CSNK1G1: variants seen among roughly 807,000 people sequenced by gnomAD.
The protein encoded by CSNK1G1 is casein kinase 1 gamma 1, also known as casein kinase I isoform gamma-1.
Under a neutral mutation model 59.6 loss-of-function variants are expected in CSNK1G1, and 22 were observed. That is an observed-to-expected ratio of 0.37 (90% CI 0.26 to 0.53). The LOEUF (loss-of-function observed/expected upper bound fraction) is 0.53, where lower values mean the gene tolerates loss of function less well. Ranked by LOEUF, CSNK1G1 falls within the 20% of genes least tolerant of loss-of-function variation. The probability of loss-of-function intolerance (pLI) is 0.89; values close to 1 mark genes in which losing one functional copy is unlikely to be tolerated. For synonymous variants in CSNK1G1, 179 were observed against 177.1 expected, an observed-to-expected ratio of 1.01 and a Z score of -0.08; for missense variants, 384 against 519.5, an observed-to-expected ratio of 0.74 and a Z score of 2.54.
intron 1 of CSNK1G1, among the ~76,000 whole-genome samples, chr15:64,311,248 G>A (rs1029517619): frequency 1.3e-5 from 2 of 151,704 alleles, no homozygotes; most frequent in African/African-American, 4.8e-5. Context: ...GTTTCACTGT[G>A]TTGGCCAGGT....
chr15:64,254,070 G>A (rs1892237295), intron 3 of CSNK1G1, among the ~76,000 whole-genome samples: 1 of 152,078 alleles, frequency 6.6e-6, no homozygotes, highest in Admixed American at 6.6e-5. Flanking sequence ...AACCCGGCAG[G>A]TGGATACTGC....
At chr15:64,313,584 A>C (rs1006195669) in intron 1 of CSNK1G1, among the ~76,000 whole-genome samples, 6 of 152,016 alleles carry the variant, frequency 3.9e-5, no homozygotes, top group Non-Finnish European at 7.4e-5. Context: ...GGAACATCAC[A>C]CACTGGGGCC....
intron 11 of CSNK1G1, among the ~76,000 whole-genome samples, chr15:64,177,694 C>A (rs1009717388): frequency 2.6e-5 from 4 of 152,194 alleles, no homozygotes; most frequent in African/African-American, 4.8e-5. Flanking sequence ...AGATTGAAAT[C>A]TCTGTGTGAA....
At chr15:64,334,683 G>C (rs920365954) in intron 1 of CSNK1G1, among the ~76,000 whole-genome samples, 2 of 152,126 alleles carry the variant, frequency 1.3e-5, no homozygotes, top group African/African-American at 4.8e-5. Context: ...GCTCCTATGA[G>C]AATCTAATGC....
In CSNK1G1 at chr15:64,318,446, G is replaced by A. The variant is rs1048321917; in HGVS notation, c.-224-17723C>T. ...CTCTGAAGTTTTCTTTGCTAGTGATGCTTTGGTATTATTGTTTTTTGGTTA... is the reference window on the plus strand; with the variant it reads ...CTCTGAAGTTTTCTTTGCTAGTGATACTTTGGTATTATTGTTTTTTGGTTA... On this transcript the variant is annotated intron_variant, in intron 1 of 11. Coordinates refer to ENST00000303052, the MANE Select transcript of CSNK1G1 (RefSeq NM_022048.5). 8.5e-5 allele frequency among the ~76,000 whole-genome samples: 13 copies of A among 152,154 alleles called. No individual in the cohort carries two copies. The South Asian group carries it at 2.7e-3, about 32-fold the overall frequency.
chr15:64,281,927 T>C (rs1013655034), intron 2 of CSNK1G1, among the ~76,000 whole-genome samples: 2 of 151,452 alleles, frequency 1.3e-5, no homozygotes, highest in African/African-American at 4.8e-5. Context: ...TTATGGAGTT[T>C]TTTTTTTTTT....
intron 1 of CSNK1G1, among the ~76,000 whole-genome samples, chr15:64,311,789 G>A (rs937527083): frequency 6.6e-6 from 1 of 151,998 alleles, no homozygotes; most frequent in South Asian, 2.1e-4. Flanking sequence ...CTGAGGCACG[G>A]GAATTGCTTG....
At chr15:64,335,348 A>G (rs1897333873) in intron 1 of CSNK1G1, among the ~76,000 whole-genome samples, 1 of 152,186 alleles carries the variant, frequency 6.6e-6, no homozygotes, top group African/African-American at 2.4e-5. Flanking sequence ...GACACTTCTT[A>G]CTGGCATAAA....
At chr15:64,186,612 C>T (rs552388174) in intron 10 of CSNK1G1, among the ~76,000 whole-genome samples, 3 of 152,072 alleles carry the variant, frequency 2.0e-5, no homozygotes, top group East Asian at 1.9e-4. Context: ...TGGGCTCAAG[C>T]GATCCTCCCG....
intron 2 of CSNK1G1, among the ~76,000 whole-genome samples, chr15:64,264,386 C>T (rs930201744): frequency 2.6e-5 from 4 of 152,090 alleles, no homozygotes; most frequent in African/African-American, 9.7e-5. Flanking sequence ...ATGATAAAGA[C>T]TCCCCCAGCA....
intron 3 of CSNK1G1, 87 bp from the exon 4 acceptor site, chr15:64,251,668 A>ACT: frequency 1.1e-6 from 1 of 881,446 alleles, no homozygotes; most frequent in Non-Finnish European, 1.9e-6. Flanking sequence ...GAGGGCTAAG[A>ACT]TCACCCAATG....
At chr15:64,283,755 T>A (rs1411490628) in intron 2 of CSNK1G1, among the ~76,000 whole-genome samples, 2 of 152,232 alleles carry the variant, frequency 1.3e-5, no homozygotes, top group Non-Finnish European at 2.9e-5. Flanking sequence ...AGTGCTGGGA[T>A]TACAGCCATG....
chr15:64,272,094 T>C (rs1446616796), intron 2 of CSNK1G1, among the ~76,000 whole-genome samples: 1 of 152,186 alleles, frequency 6.6e-6, no homozygotes, highest in Non-Finnish European at 1.5e-5. Context: ...TATTTTCCAT[T>C]TGCTTGGTAG....
chr15:64,181,121 T>A, intron 10 of CSNK1G1: 1 of 1,444,006 alleles, frequency 6.9e-7, no homozygotes, highest in Non-Finnish European at 9.1e-7. Context: ...AACAAGATTG[T>A]CACATCCTCT....
At chr15:64,190,111 C>A (rs566646044) in intron 10 of CSNK1G1, among the ~76,000 whole-genome samples, 1 of 151,816 alleles carries the variant, frequency 6.6e-6, no homozygotes, top group African/African-American at 2.4e-5. Context: ...TGAGCCACCA[C>A]GCCTGGCCAA....
chr15:64,174,276 C>CTT (rs1490377704), intron 11 of CSNK1G1, among the ~76,000 whole-genome samples: 1 of 152,196 alleles, frequency 6.6e-6, no homozygotes, highest in Non-Finnish European at 1.5e-5. Context: ...CTGAACCCAC[C>CTT]TAACTAAAAG....
chr15:64,233,924 T>C (rs1375680301), intron 4 of CSNK1G1, among the ~76,000 whole-genome samples: 1 of 152,204 alleles, frequency 6.6e-6, no homozygotes, highest in Non-Finnish European at 1.5e-5. Context: ...GGACTTAAGC[T>C]ACAACATCAA....
At chr15:64,196,625 A>G (rs766861859) in intron 10 of CSNK1G1, among the ~76,000 whole-genome samples, 2 of 151,784 alleles carry the variant, frequency 1.3e-5, no homozygotes, top group Non-Finnish European at 2.9e-5. Context: ...CTAATTTTGT[A>G]TTTTTTAGTA....
intron 4 of CSNK1G1, among the ~76,000 whole-genome samples, chr15:64,238,408 T>A (rs188506803): frequency 6.8e-6 from 1 of 146,598 alleles, no homozygotes; most frequent in Non-Finnish European, 1.5e-5. Flanking sequence ...TGAGAGGATC[T>A]CTTGAGCCCA....
Sources: gnomAD v4.1 joint callset for allele counts (sites outside exome capture counted in the v4.1 genomes callset) on GRCh38, gnomAD v4.1.1 for gene constraint, MANE v1.5 for transcripts, NCBI Gene and HGNC (gene_info 2026-07-23, HGNC 2026-07-21) for gene names.